Variants in PGM2L1 observed in about 807,000 individuals in gnomAD.
The protein encoded by PGM2L1 is phosphoglucomutase 2 like 1.
PGM2L1 carries 35 observed loss-of-function variants against 73.4 expected under a neutral mutation model. That is an observed-to-expected ratio of 0.48 (90% confidence interval 0.36 to 0.63). The LOEUF (loss-of-function observed/expected upper bound fraction) is 0.63, where lower values mean the gene tolerates loss of function less well. Ranked by LOEUF, PGM2L1 falls within the 30% of genes least tolerant of loss-of-function variation. The pLI, the probability that PGM2L1 is intolerant of heterozygous loss-of-function variation, is 0.00. For synonymous variants in PGM2L1, 225 were observed against 253.8 expected (o/e 0.89, Z 1.08); for missense variants, 570 against 742.0 (o/e 0.77, Z 2.69).
intron 5 of PGM2L1, among the ~76,000 whole-genome samples, chr11:74,366,133 G>A (rs1862652554): frequency 1.3e-5 from 2 of 149,322 alleles, no homozygotes; most frequent in South Asian, 2.1e-4. Context: ...AACACCACAT[G>A]TTCTCATTCA....
At position 74,374,567 on chromosome 11, in the gene PGM2L1, C is replaced by G; in HGVS notation, c.127G>C (p.Glu43Gln). ...LRWDKNPKTK[E>Q]QIENLLRNGM... ...TTCCGTAACAGGTTTTCAATCTGCT[C>G]TTTTGTTTTGGGATTCTATAAAAAA... The change falls in exon 2 of 14, where the codon GAG becomes CAG. Residue 43 changes from glutamate to glutamine, a missense_variant. Physicochemically the swap from Glu to Gln is conservative, Grantham distance 29. Transcript: ENST00000298198. 6.2e-7 allele frequency: 1 copy of G among 1,613,600 alleles called. No homozygotes were observed. The highest frequency in any genetic ancestry group is 8.5e-7 in the Non-Finnish European group (1 of 1,179,810).
In PGM2L1 at chr11:74,397,128, A is replaced by G. The variant is rs186223515; in HGVS notation, c.111+923T>C. Among the ~76,000 whole-genome samples the G allele has an allele frequency of 3.3e-3, 501 of 152,348 alleles. 4 individuals carry two copies. The highest frequency in any genetic ancestry group is 0.011 in the African/African-American group (471 of 41,568). On this transcript the variant is annotated intron_variant, in intron 1 of 13. Transcript: ENST00000298198. Reference sequence around the variant, plus strand: ...AACATAATGTCACATACTACCATACAAATTCCTTAATTCAGTGTCATTAAT... The same window carrying G: ...AACATAATGTCACATACTACCATACGAATTCCTTAATTCAGTGTCATTAAT...
At chr11:74,368,946 A>G (rs762654308) in intron 4 of PGM2L1, among the ~76,000 whole-genome samples, 16 of 150,380 alleles carry the variant, frequency 1.1e-4, no homozygotes, top group Non-Finnish European at 1.8e-4. Context: ...AAATACCTAC[A>G]GGCAGTCCTT....
chr11:74,370,874 T>C (rs1419826263), intron 4 of PGM2L1, 28 bp downstream of exon 4: 3 of 1,543,808 alleles, frequency 1.9e-6, no homozygotes, highest in Non-Finnish European at 2.7e-6. Context: ...AGCAGCAAGC[T>C]ATATGATCAC....
intron 4 of PGM2L1, 140 bp downstream of exon 4, chr11:74,370,762 G>A: frequency 2.0e-6 from 1 of 498,906 alleles, no homozygotes; most frequent in East Asian, 3.5e-5. Context: ...TAAACTCAAA[G>A]CAAAATTTGT....
intron 5 of PGM2L1, chr11:74,355,435 T>G: frequency 2.4e-6 from 1 of 413,112 alleles, no homozygotes. Context: ...TCGCCTGTAG[T>G]CCCAGCTACT....
chr11:74,377,554 C>T (rs976145636), intron 1 of PGM2L1, among the ~76,000 whole-genome samples: 2 of 152,056 alleles, frequency 1.3e-5, no homozygotes, highest in African/African-American at 4.8e-5. Flanking sequence ...ATTTATATAT[C>T]ATCTAGAAGT....
At chr11:74,390,455 T>G (rs1368058525) in intron 1 of PGM2L1, among the ~76,000 whole-genome samples, 1 of 152,246 alleles carries the variant, frequency 6.6e-6, no homozygotes, top group Admixed American at 6.5e-5. Flanking sequence ...ATATTTGATA[T>G]GCAACAGTTT....
In PGM2L1 at chr11:74,356,529, C is replaced by T. The variant is rs139985661; in HGVS notation, c.556-4953G>A. Among the ~76,000 whole-genome samples, 76 of 152,174 alleles carry T rather than the reference C, an allele frequency of 5.0e-4. 2 individuals carry two copies. The East Asian group carries it at 0.014, about 27-fold the overall frequency. On this transcript the variant is annotated intron_variant, in intron 5 of 13. Coordinates refer to ENST00000298198, the MANE Select transcript of PGM2L1 (RefSeq NM_173582.6). ...TAGGGAGACTCAATTATTAAAATATCGAGCCTCTCTAAATTAATACATAAA... is the reference window on the plus strand; with the variant it reads ...TAGGGAGACTCAATTATTAAAATATTGAGCCTCTCTAAATTAATACATAAA...
At chr11:74,356,214 C>T (rs1281058480) in intron 5 of PGM2L1, among the ~76,000 whole-genome samples, 4 of 152,030 alleles carry the variant, frequency 2.6e-5, no homozygotes, top group African/African-American at 4.8e-5. Context: ...TTTTCAGAAA[C>T]CTCGGTGTAG....
intron 5 of PGM2L1, among the ~76,000 whole-genome samples, chr11:74,363,820 C>A (rs1440834501): frequency 2.0e-5 from 3 of 152,116 alleles, no homozygotes; most frequent in African/African-American, 4.8e-5. Context: ...TGAAACTATT[C>A]CAATCAATAG....
At chr11:74,366,301 T>C (rs908290549) in intron 5 of PGM2L1, among the ~76,000 whole-genome samples, 1 of 150,742 alleles carries the variant, frequency 6.6e-6, no homozygotes, top group Non-Finnish European at 1.5e-5. Flanking sequence ...ACATGGCACA[T>C]GTATACATAT....
intron 12 of PGM2L1, among the ~76,000 whole-genome samples, chr11:74,340,838 T>C (rs990949466): frequency 3.6e-4 from 55 of 152,152 alleles, no homozygotes; most frequent in African/African-American, 1.3e-3. Flanking sequence ...CAGGTGACAT[T>C]TGCCTTAAGT....
At chr11:74,340,860 T>C (rs1236331960) in intron 12 of PGM2L1, among the ~76,000 whole-genome samples, 5 of 152,034 alleles carry the variant, frequency 3.3e-5, no homozygotes. Flanking sequence ...TTATAGTAGC[T>C]GAGGTATGGG....
intron 5 of PGM2L1, among the ~76,000 whole-genome samples, chr11:74,363,577 A>C (rs1048792243): frequency 2.6e-5 from 4 of 152,236 alleles, no homozygotes; most frequent in African/African-American, 7.2e-5. Flanking sequence ...CTACCATCAG[A>C]GAATACTATA....
At chr11:74,352,535 A>G (rs1380442616) in intron 5 of PGM2L1, among the ~76,000 whole-genome samples, 1 of 152,198 alleles carries the variant, frequency 6.6e-6, no homozygotes, top group Non-Finnish European at 1.5e-5. Flanking sequence ...AAGGTTAGAG[A>G]ATATCTATGG....
chr11:74,354,157 T>TCACA (rs1443153355), intron 5 of PGM2L1, among the ~76,000 whole-genome samples: 2 of 151,520 alleles, frequency 1.3e-5, no homozygotes, highest in African/African-American at 4.9e-5. Context: ...CATCATGGAG[T>TCACA]GACAGAACCA....
At chr11:74,367,622 A>G (rs1862680992) in intron 5 of PGM2L1, among the ~76,000 whole-genome samples, 1 of 152,154 alleles carries the variant, frequency 6.6e-6, no homozygotes, top group Non-Finnish European at 1.5e-5. Context: ...CATGCAAGTA[A>G]AGGATGTCCA....
At chr11:74,343,130 A>T in intron 10 of PGM2L1, 116 bp from the exon 11 acceptor site, 1 of 1,381,996 alleles carries the variant, frequency 7.2e-7, no homozygotes, top group Non-Finnish European at 9.7e-7. Context: ...GATGAAACTC[A>T]TCAATACTGA....
Sources: gnomAD v4.1 joint callset for allele counts (sites outside exome capture counted in the v4.1 genomes callset) on GRCh38, gnomAD v4.1.1 for gene constraint, MANE v1.5 for transcripts, NCBI Gene and HGNC (gene_info 2026-07-23, HGNC 2026-07-21) for gene names.